The following PTPN9 variants were observed in gnomAD, a reference collection of about 807,000 sequenced individuals.
PTPN9 encodes protein tyrosine phosphatase non-receptor type 9, also known as tyrosine-protein phosphatase non-receptor type 9.
Under a neutral mutation model 69.8 loss-of-function variants are expected in PTPN9, and 26 were observed. That is an observed-to-expected ratio of 0.37 (90% CI 0.27 to 0.52). The LOEUF is 0.52. Among genes scored for constraint, PTPN9 ranks in the 20% least tolerant of loss-of-function variants. The pLI is 0.91. For missense variants in PTPN9, 549 were observed against 740.3 expected (o/e 0.74, Z 3.00); for synonymous variants, 274 against 272.5 (o/e 1.01, Z -0.05).
chr15:75,496,789 G>A (rs1345256570), intron 7 of PTPN9, among the ~76,000 whole-genome samples: 1 of 152,112 alleles, frequency 6.6e-6, no homozygotes, highest in African/African-American at 2.4e-5. Context: ...TTACAGGCAT[G>A]AGCCACTGTG....
intron 7 of PTPN9, among the ~76,000 whole-genome samples, chr15:75,492,594 T>G (rs1396135172): frequency 6.6e-6 from 1 of 152,212 alleles, no homozygotes; most frequent in Non-Finnish European, 1.5e-5. Flanking sequence ...ACAGGAGAAC[T>G]CTTCACTGGA....
At chr15:75,478,357 G>A (rs184396752) in intron 9 of PTPN9, among the ~76,000 whole-genome samples, 15 of 152,216 alleles carry the variant, frequency 9.9e-5, no homozygotes, top group South Asian at 2.1e-4. Context: ...CACCTGCCTC[G>A]GCCTCCCAAA....
rs888759490 is a variant in PTPN9, at chr15:75,508,060, A to G, written c.639+857T>C. 1.5e-4 allele frequency among the ~76,000 whole-genome samples: 23 copies of G among 151,420 alleles called. No individual in the cohort carries two copies. The South Asian group carries it at 3.6e-3, about 23-fold the overall frequency. ...CTCTCAAAAAAAAAAAAAAAAAAAAAAAAAGAAAAGCTCTCTCCTACTCTG... is the reference window on the plus strand; with the variant it reads ...CTCTCAAAAAAAAAAAAAAAAAAAAGAAAAGAAAAGCTCTCTCCTACTCTG... On this transcript the variant is annotated intron_variant, in intron 6 of 12. Coordinates refer to ENST00000618819, the MANE Select transcript of PTPN9 (RefSeq NM_002833.4).
At chr15:75,504,198 G>C (rs558767958) in intron 7 of PTPN9, among the ~76,000 whole-genome samples, 25 of 76,296 alleles carry the variant, frequency 3.3e-4, no homozygotes, top group African/African-American at 1.7e-3. Flanking sequence ...CCCATGTCCG[G>C]GAGGGAGGTC....
intron 8 of PTPN9, chr15:75,480,519 C>A (rs1240953669): frequency 6.5e-6 from 2 of 309,178 alleles, no homozygotes; most frequent in Non-Finnish European, 1.1e-5. Flanking sequence ...CTCGAAGGCG[C>A]CGCGGGCTGG....
intron 11 of PTPN9, 54 bp from the exon 12 acceptor site, chr15:75,470,053 C>G: frequency 6.8e-7 from 1 of 1,478,090 alleles, no homozygotes; most frequent in East Asian, 2.4e-5. Flanking sequence ...CTGCCCCTAG[C>G]TACCTCTGGC....
intron 5 of PTPN9, among the ~76,000 whole-genome samples, chr15:75,515,335 G>A (rs1228944534): frequency 1.3e-5 from 2 of 149,644 alleles, no homozygotes; most frequent in African/African-American, 5.0e-5. Context: ...GCTGAGGCAG[G>A]AGAACGGCGT....
At chr15:75,566,671 T>G (rs2075127590) in intron 1 of PTPN9, among the ~76,000 whole-genome samples, 1 of 150,326 alleles carries the variant, frequency 6.7e-6, no homozygotes, top group Non-Finnish European at 1.5e-5. Context: ...AGAGTCTCAC[T>G]CTGTCTCAAA....
intron 12 of PTPN9, among the ~76,000 whole-genome samples, chr15:75,469,377 C>CCAA (rs1281532109): frequency 3.9e-5 from 6 of 152,242 alleles, no homozygotes; most frequent in African/African-American, 1.4e-4. Context: ...AATAGAAAGG[C>CCAA]CAACATTTCC....
intron 1 of PTPN9, among the ~76,000 whole-genome samples, chr15:75,529,246 A>G (rs1011415025): frequency 3.3e-5 from 5 of 152,016 alleles, no homozygotes; most frequent in African/African-American, 1.2e-4. Flanking sequence ...CGGCCTCCCA[A>G]AGTGCTGGGA....
At chr15:75,563,230 C>T (rs927127518) in intron 1 of PTPN9, among the ~76,000 whole-genome samples, 2 of 152,078 alleles carry the variant, frequency 1.3e-5, no homozygotes, top group Admixed American at 6.6e-5. Flanking sequence ...ACTCTGCTGC[C>T]CAGTCTAGAG....
At chr15:75,559,515 G>T (rs191391402) in intron 1 of PTPN9, among the ~76,000 whole-genome samples, 1 of 152,266 alleles carries the variant, frequency 6.6e-6, no homozygotes, top group Admixed American at 6.5e-5. Flanking sequence ...TCCACTCAGC[G>T]TTAGATGGAT....
chr15:75,511,876 T>C (rs1378917840), intron 5 of PTPN9, among the ~76,000 whole-genome samples: 2 of 152,124 alleles, frequency 1.3e-5, no homozygotes, highest in Non-Finnish European at 2.9e-5. Context: ...TAATATTTTT[T>C]TTTTTTTTAG....
At chr15:75,469,032 C>T in intron 12 of PTPN9, 49 bp from the exon 13 acceptor site, 1 of 1,478,926 alleles carries the variant, frequency 6.8e-7, no homozygotes, top group Non-Finnish European at 9.3e-7. Flanking sequence ...TCTTCTCTTC[C>T]TCCCTCTACC....
intron 1 of PTPN9, among the ~76,000 whole-genome samples, chr15:75,567,648 T>C (rs1478535922): frequency 6.6e-6 from 1 of 152,118 alleles, no homozygotes; most frequent in Admixed American, 6.6e-5. Context: ...TGTGGATGGA[T>C]TTGGTATTTC....
chr15:75,519,518 CA>C (rs986028474), intron 4 of PTPN9, among the ~76,000 whole-genome samples: 61 of 152,298 alleles, frequency 4.0e-4, no homozygotes, highest in Admixed American at 3.3e-3. Flanking sequence ...GCTAACATTT[CA>C]AAAATGTCTA....
chr15:75,465,335 C>T lies in PTPN9; in HGVS notation c.*3434G>A, dbSNP rs1434261604. The T allele has an allele frequency of 6.6e-6, 1 of 152,102 alleles. No homozygotes were observed. Among genetic ancestry groups the T allele is most frequent in the Non-Finnish European group, 1.5e-5 (1 of 68,048 alleles). The allele number at this position is 152,102 out of a possible 1,614,324, so 9.4% of individuals were successfully genotyped here. A position where few individuals can be genotyped will look rare whatever the true frequency, so the allele number is the denominator to read the frequency against. The stretch of plus-strand genomic sequence containing the variant: ...GTCAGGCTGGTCTCAAACTCCTGAC[C>T]TCAGGTGATCTGCCCACCTCGGCCT... On this transcript the variant is annotated 3_prime_UTR_variant, in exon 13 of 13. Coordinates refer to ENST00000618819, the MANE Select transcript of PTPN9 (RefSeq NM_002833.4).
chr15:75,524,374 T>A, intron 2 of PTPN9, 76 bp from the exon 3 acceptor site: 1 of 806,364 alleles, frequency 1.2e-6, no homozygotes, highest in Non-Finnish European at 2.1e-6. Flanking sequence ...AACCACCAAA[T>A]CTCAGAGATA....
At position 75,578,824 on chromosome 15, in the gene PTPN9, G is replaced by A. The variant is rs1306836247; in HGVS notation, c.-48C>T. 8.5e-7 allele frequency: 1 copy of A among 1,171,846 alleles called. No individual in the cohort carries two copies. Among genetic ancestry groups the A allele is most frequent in the Non-Finnish European group, 1.1e-6 (1 of 942,802 alleles). 72.6% of individuals were successfully genotyped at this position (1,171,846 alleles called of 1,614,324 possible). ...GGACAAAACTCGCTCGCGAGCGCGG[G>A]AGCCCGGCGCGCTCGGCCTCCGCTT... On this transcript the variant is annotated 5_prime_UTR_variant, in exon 1 of 13. Coordinates refer to ENST00000618819, the MANE Select transcript of PTPN9 (RefSeq NM_002833.4).
Sources: allele counts gnomAD v4.1 joint callset (sites outside exome capture counted in the v4.1 genomes callset), GRCh38; gene constraint gnomAD v4.1.1; transcripts MANE v1.5; gene names NCBI Gene and HGNC (gene_info 2026-07-23, HGNC 2026-07-21).